The following TEX11 variants were observed in gnomAD, a reference collection of about 807,000 sequenced individuals.
TEX11 encodes the protein testis expressed 11.
A neutral mutation model predicts 84.4 loss-of-function variants in TEX11; 7 were observed. The ratio of observed to expected loss-of-function variants is 0.08; its 90% CI spans 0.05 to 0.16. The LOEUF is 0.16. Among genes scored for constraint, TEX11 ranks in the 10% least tolerant of loss-of-function variants. TEX11 has a pLI of 1.00. For synonymous variants in TEX11, 264 were observed against 222.8 expected (o/e 1.18, Z -1.64); for missense variants, 551 against 660.5 (o/e 0.83, Z 1.82).
At chrX:70,781,533 T>A (rs148640158) in intron 9 of TEX11, among the ~76,000 whole-genome samples, 1,265 of 111,708 alleles carry the variant, frequency 0.011, 10 homozygotes, top group African/African-American at 0.035. Flanking sequence ...CTAAGAAGCA[T>A]GTTCCAATCC....
At chrX:70,788,937 T>TATATATATATAC in intron 9 of TEX11, among the ~76,000 whole-genome samples, 1 of 15,264 alleles carries the variant, frequency 6.6e-5, no homozygotes, top group African/African-American at 3.2e-4. Context: ...GGGTTTTGAT[T>TATATATATATAC]ATATATATAT....
chrX:70,898,056 C>G (rs2091782874), intron 2 of TEX11, among the ~76,000 whole-genome samples: 1 of 111,127 alleles, frequency 9.0e-6, no homozygotes, highest in Non-Finnish European at 1.9e-5. Flanking sequence ...AAATTTAGTT[C>G]AACAAACATT....
chrX:70,853,215 A>G, intron 6 of TEX11, 33 bp downstream of exon 6: 2 of 1,206,064 alleles, frequency 1.7e-6, no homozygotes, highest in Non-Finnish European at 2.2e-6. Flanking sequence ...TACTACTAAT[A>G]ATTGCCTCAG....
chrX:70,712,364 T>G (rs1462346417), intron 13 of TEX11, among the ~76,000 whole-genome samples: 1 of 111,815 alleles, frequency 8.9e-6, no homozygotes, highest in Non-Finnish European at 1.9e-5. Flanking sequence ...GCATTGAATC[T>G]ATAAATTACC....
intron 8 of TEX11, among the ~76,000 whole-genome samples, chrX:70,820,604 G>A (rs1889268140): frequency 9.0e-6 from 1 of 111,659 alleles, no homozygotes; most frequent in Non-Finnish European, 1.9e-5. Context: ...CTTCTGGTGA[G>A]AGCCTCAGGA....
intron 8 of TEX11, among the ~76,000 whole-genome samples, chrX:70,819,389 C>G (rs1194559235): frequency 9.0e-6 from 1 of 111,556 alleles, no homozygotes; most frequent in Non-Finnish European, 1.9e-5. Context: ...ATTCAACATC[C>G]ATTAAACTGA....
At chrX:70,878,541 C>T (rs1027275582) in intron 3 of TEX11, among the ~76,000 whole-genome samples, 1 of 109,410 alleles carries the variant, frequency 9.1e-6, no homozygotes, top group Admixed American at 9.9e-5. Flanking sequence ...AATCTGGCAG[C>T]AGCAAACCAA....
intron 17 of TEX11, among the ~76,000 whole-genome samples, chrX:70,647,071 T>G (rs748618999): frequency 9.0e-6 from 1 of 111,586 alleles, no homozygotes; most frequent in Non-Finnish European, 1.9e-5. Flanking sequence ...GAGGAAATCC[T>G]GTCATTTATG....
chrX:70,714,403 C>A (rs2090474851), intron 13 of TEX11, among the ~76,000 whole-genome samples: 1 of 111,273 alleles, frequency 9.0e-6, no homozygotes, highest in Non-Finnish European at 1.9e-5. Context: ...GTTAAAGTCT[C>A]CCATTATTAT....
intron 16 of TEX11, among the ~76,000 whole-genome samples, chrX:70,664,773 T>A (rs1392235158): frequency 1.6e-5 from 1 of 62,070 alleles, no homozygotes; most frequent in South Asian, 1.1e-3. Flanking sequence ...CTGACCTTCA[T>A]CTTATGTTTC....
chrX:70,649,200 T>C (rs369808581), intron 17 of TEX11, among the ~76,000 whole-genome samples: 3 of 112,143 alleles, frequency 2.7e-5, no homozygotes, highest in Non-Finnish European at 5.6e-5. Context: ...ATCTTTATAA[T>C]AGAATGGTTT....
At chrX:70,605,158 G>C (rs1030699798) in intron 24 of TEX11, among the ~76,000 whole-genome samples, 1 of 111,582 alleles carries the variant, frequency 9.0e-6, no homozygotes, top group Non-Finnish European at 1.9e-5. Flanking sequence ...TTTTTGGAAA[G>C]AGTGGTCCAT....
At chrX:70,810,412 G>C (rs935833352) in intron 8 of TEX11, among the ~76,000 whole-genome samples, 9 of 112,102 alleles carry the variant, frequency 8.0e-5, no homozygotes, top group African/African-American at 2.9e-4. Flanking sequence ...ATCAATGATA[G>C]ACTGGATAAA....
intron 28 of TEX11, among the ~76,000 whole-genome samples, chrX:70,540,824 C>T (rs1307770192): frequency 8.9e-6 from 1 of 111,881 alleles, no homozygotes; most frequent in Non-Finnish European, 1.9e-5. Context: ...TGAATTTGAC[C>T]ACTCTGGGTA....
intron 9 of TEX11, among the ~76,000 whole-genome samples, chrX:70,805,593 GT>G (rs2091214632): frequency 9.0e-6 from 1 of 110,600 alleles, no homozygotes; most frequent in Non-Finnish European, 1.9e-5. Flanking sequence ...TAGAGATGGG[GT>G]TTTGCCATGT....
At chrX:70,548,109 TC>T (rs1483969628) in intron 28 of TEX11, among the ~76,000 whole-genome samples, 1 of 111,214 alleles carries the variant, frequency 9.0e-6, no homozygotes, top group Non-Finnish European at 1.9e-5. Context: ...TGAGTTCATG[TC>T]CTTTGTAGGG....
chrX:70,849,491 G>A (rs1441121227), intron 7 of TEX11, among the ~76,000 whole-genome samples: 1 of 111,860 alleles, frequency 8.9e-6, no homozygotes, highest in Non-Finnish European at 1.9e-5. Context: ...TTCCTTGTCT[G>A]TTGAATAACT....
intron 9 of TEX11, among the ~76,000 whole-genome samples, chrX:70,795,215 C>T (rs1485227406): frequency 9.1e-6 from 1 of 109,380 alleles, no homozygotes; most frequent in Admixed American, 9.8e-5. Flanking sequence ...GGGCCTGTGA[C>T]AGTGGTGGCC....
Position 70,907,796 on chromosome X carries a change from A to G in TEX11, c.-7T>C. On this transcript the variant is annotated 5_prime_UTR_variant, in exon 2 of 30. Transcript: ENST00000374333. Reference sequence around the variant, plus strand: ...AAAAATCATCATTGTCCATTTTTAAATCTCTGGCTCAAGCCTGTGAAATAA... The same window carrying G: ...AAAAATCATCATTGTCCATTTTTAAGTCTCTGGCTCAAGCCTGTGAAATAA... 8.6e-7 allele frequency: 1 copy of G among 1,169,364 alleles called. No homozygotes were observed. Among genetic ancestry groups the G allele is most frequent in the South Asian group, 1.8e-5 (1 of 55,967 alleles).
Sources: gnomAD v4.1 joint callset for allele counts (sites outside exome capture counted in the v4.1 genomes callset) on GRCh38, gnomAD v4.1.1 for gene constraint, MANE v1.5 for transcripts, NCBI Gene and HGNC (gene_info 2026-07-23, HGNC 2026-07-21) for gene names.